The following PLEKHA4 variants were observed in gnomAD, a reference collection of about 807,000 sequenced individuals.
PLEKHA4 encodes the protein pleckstrin homology domain-containing family A member 4.
In PLEKHA4, 73 loss-of-function variants were observed where a neutral mutation model predicts 94.7. The observed-to-expected ratio is 0.77, with a 90% CI of 0.64 to 0.94. PLEKHA4 has a LOEUF of 0.94. Ranked by LOEUF, PLEKHA4 falls within the 40% of genes least tolerant of loss-of-function variation. The pLI is 0.00. For synonymous variants in PLEKHA4, 449 were observed against 437.1 expected (o/e 1.03, Z -0.34); for missense variants, 1,049 against 1,054.1 (o/e 1.00, Z 0.07).
intron 7 of PLEKHA4, 32 bp from the exon 8 acceptor site, chr19:48,859,171 C>T: frequency 2.0e-6 from 3 of 1,477,574 alleles, no homozygotes; most frequent in Non-Finnish European, 2.7e-6. Context: ...GGAACTGAGT[C>T]AACTAGAGCC....
chr19:48,846,603 C>T (rs932111623), intron 14 of PLEKHA4, among the ~76,000 whole-genome samples: 4 of 149,526 alleles, frequency 2.7e-5, no homozygotes, highest in African/African-American at 9.9e-5. Flanking sequence ...CCCGTCTCTA[C>T]AAAAAAGTTA....
At position 48,861,653 on chromosome 19, in the gene PLEKHA4, CGAACCAGCGGCGTTTCCAGAGACG is replaced by C; in HGVS notation, c.208_231del (p.Arg70_Phe77del). Reference sequence around the variant, plus strand: ...TAAAAGAGGCAATGGCCGGAGAGGACGAACCAGCGGCGTTTCCAGAGACGGAGCCCCGAGCTGTCCTGGGGAGAG... The same window carrying C: ...TAAAAGAGGCAATGGCCGGAGAGGACGAGCCCCGAGCTGTCCTGGGGAGAG... On this transcript the variant is annotated inframe_deletion, in exon 4 of 20. Coordinates refer to ENST00000263265, the MANE Select transcript of PLEKHA4 (RefSeq NM_020904.3). The C allele has an allele frequency of 3.1e-6, 5 of 1,614,152 alleles. No homozygotes were observed. Among genetic ancestry groups the C allele is most frequent in the Non-Finnish European group, 4.2e-6 (5 of 1,180,034 alleles).
At position 48,857,492 on chromosome 19, in the gene PLEKHA4, T is replaced by C; in HGVS notation, c.977A>G (p.His326Arg). Residue 326 changes from histidine (H) to arginine (R), a missense_variant, in exon 9 of 20, where the codon CAC (histidine) becomes CGC (arginine). Physicochemically the swap from His to Arg is conservative, Grantham distance 29. Transcript: ENST00000263265. ...CTGGAGATAAGTGGGGGAGCCAGAG[T>C]GTGCCTGGGAGGAACGTTGAAATGG... Reference protein sequence around the residue: ...HWSQEPRTQAHSGSPTYLQLP... With the variant: ...HWSQEPRTQARSGSPTYLQLP... The C allele has an allele frequency of 2.6e-6, 4 of 1,554,704 alleles. No homozygotes were observed. Among genetic ancestry groups the C allele is most frequent in the Non-Finnish European group, 3.5e-6 (4 of 1,144,200 alleles).
rs776869550 is a variant in PLEKHA4 at position 48,867,601 on chromosome 19, C to T, written c.20G>A (p.Arg7His). 2.1e-5 allele frequency: 33 copies of T among 1,598,462 alleles called. No homozygotes were observed. The highest frequency in any genetic ancestry group is 1.9e-4 in the Middle Eastern group (1 of 5,184). ...GCTGCTGGCCAGGCTCAGGCTGCTGCGAGGTCGGCTCCCCTCCATCAAGGG... is the reference window on the plus strand; with the variant it reads ...GCTGCTGGCCAGGCTCAGGCTGCTGTGAGGTCGGCTCCCCTCCATCAAGGG... The part of the protein sequence containing the change: MEGSRP[R>H]SSLSLASSAS... The change falls in exon 2 of 20, where the codon CGC (arginine) becomes CAC (histidine). Residue 7 changes from arginine to histidine, a missense_variant. Transcript: ENST00000263265. The surrounding 1 kb of genome is among the most constrained non-coding windows in gnomAD (Gnocchi z 4.7).
chr19:48,844,611 C>A, intron 16 of PLEKHA4: 1 of 985,210 alleles, frequency 1.0e-6, no homozygotes, highest in Non-Finnish European at 1.2e-6. Context: ...AGTGATGGAT[C>A]CGTACTTCTG....
At chr19:48,859,410 C>G in intron 7 of PLEKHA4, 59 bp downstream of exon 7, 1 of 1,577,150 alleles carries the variant, frequency 6.3e-7, no homozygotes, top group Non-Finnish European at 8.7e-7. Flanking sequence ...CGCCCCCAAC[C>G]AGTTTCCGGC....
At chr19:48,864,567 G>GT (rs1267011362) in intron 3 of PLEKHA4, among the ~76,000 whole-genome samples, 1 of 151,878 alleles carries the variant, frequency 6.6e-6, no homozygotes, top group African/African-American at 2.4e-5. Flanking sequence ...CCGTTTTTTT[G>GT]TTTTTGTTTT....
chr19:48,842,110 A>AC (rs2122904009), intron 16 of PLEKHA4, among the ~76,000 whole-genome samples: 1 of 149,814 alleles, frequency 6.7e-6, no homozygotes, highest in Non-Finnish European at 1.5e-5. Context: ...GCCAGTGGCC[A>AC]CTGTATATTA....
rs201200824 is a variant in PLEKHA4, at chr19:48,857,379, G to C, written c.1047+43C>G. The C allele has an allele frequency of 5.7e-5, 44 of 775,764 alleles. No individual in the cohort carries two copies. The East Asian group carries it at 1.1e-3, about 20-fold the overall frequency. The allele number at this position is 775,764 out of a possible 1,614,324, so 48.1% of individuals were successfully genotyped here. A position where few individuals can be genotyped will look rare whatever the true frequency, so the allele number is the denominator to read the frequency against. On this transcript the variant is annotated intron_variant, in intron 9 of 19. Transcript: ENST00000263265. ...ACATTCCTCATAGAGAAGAAAGGAA[G>C]GGAGGGGGCTCCGGTAGATTTAGGG...
chr19:48,841,741 G>A (rs1319194004), intron 16 of PLEKHA4, among the ~76,000 whole-genome samples: 1 of 151,958 alleles, frequency 6.6e-6, no homozygotes, highest in East Asian at 1.9e-4. Flanking sequence ...GATCACTTGC[G>A]GCCAAGAGTT....
At chr19:48,857,716 G>A (rs1469711545) in intron 8 of PLEKHA4, among the ~76,000 whole-genome samples, 1 of 150,966 alleles carries the variant, frequency 6.6e-6, no homozygotes, top group African/African-American at 2.4e-5. Context: ...CTTGAAGGCA[G>A]CATGCTCGTT....
intron 17 of PLEKHA4, among the ~76,000 whole-genome samples, chr19:48,840,705 G>A (rs989855495): frequency 1.3e-5 from 2 of 152,058 alleles, no homozygotes; most frequent in African/African-American, 2.4e-5. Flanking sequence ...GATTACAGGC[G>A]TGAGCCACCA....
intron 17 of PLEKHA4, among the ~76,000 whole-genome samples, chr19:48,840,343 A>G (rs540784713): frequency 5.8e-4 from 87 of 150,660 alleles, no homozygotes; most frequent in African/African-American, 2.0e-3. Flanking sequence ...TGAACCCAGG[A>G]GGTGGAGGTT....
chr19:48,842,926 T>C (rs2035822550), intron 16 of PLEKHA4, among the ~76,000 whole-genome samples: 1 of 152,102 alleles, frequency 6.6e-6, no homozygotes, highest in African/African-American at 2.4e-5. Flanking sequence ...AACCCTGAAA[T>C]CCCTGGAACT....
chr19:48,845,724 C>A, intron 14 of PLEKHA4, 108 bp from the exon 15 acceptor site: 1 of 966,958 alleles, frequency 1.0e-6, no homozygotes, highest in Non-Finnish European at 1.5e-6. Flanking sequence ...GGATTCAGAC[C>A]ATAAACCAGG....
chr19:48,844,460 A>C, intron 16 of PLEKHA4: 1 of 985,144 alleles, frequency 1.0e-6, no homozygotes, highest in Non-Finnish European at 1.2e-6. Flanking sequence ...CAGCCCCAAG[A>C]AGTGCTTTTA....
At chr19:48,844,385 C>T in intron 16 of PLEKHA4, 1 of 844,140 alleles carries the variant, frequency 1.2e-6, no homozygotes, top group Non-Finnish European at 1.4e-6. Context: ...AAACTCCTGA[C>T]CTCAAGTGAT....
chr19:48,858,552 G>A (rs1035962935), intron 8 of PLEKHA4, among the ~76,000 whole-genome samples: 2 of 149,606 alleles, frequency 1.3e-5, no homozygotes, highest in African/African-American at 2.5e-5. Flanking sequence ...GCTTGAACCC[G>A]GGAGACAGAG....
chr19:48,865,674 G>C (rs1379580366), intron 2 of PLEKHA4, 64 bp from the exon 3 acceptor site: 2 of 1,133,008 alleles, frequency 1.8e-6, no homozygotes, highest in East Asian at 2.4e-5. Flanking sequence ...AGGGGGTGAG[G>C]GTGGACACAG....
Sources: gnomAD v4.1 joint callset for allele counts (sites outside exome capture counted in the v4.1 genomes callset) on GRCh38, gnomAD v4.1.1 for gene constraint, Gnocchi (gnomAD v3.1) non-coding constraint, MANE v1.5 for transcripts, NCBI Gene and HGNC (gene_info 2026-07-23, HGNC 2026-07-21) for gene names.